Variants in SEPTIN11 observed in about 807,000 individuals in gnomAD.
SEPTIN11 encodes septin 11.
A neutral mutation model predicts 51.4 loss-of-function variants in SEPTIN11; 25 were observed. The ratio of observed to expected loss-of-function variants is 0.49; its 90% CI spans 0.35 to 0.68. SEPTIN11 has a LOEUF of 0.68. SEPTIN11 is among the 30% of genes least tolerant of loss of function. The pLI, the probability that SEPTIN11 is intolerant of heterozygous loss-of-function variation, is 0.00. For missense variants in SEPTIN11, 381 were observed against 520.8 expected (o/e 0.73, Z 2.61); for synonymous variants, 174 against 184.1 (o/e 0.95, Z 0.44).
At position 77,038,141 on chromosome 4, in the gene SEPTIN11, C is replaced by T. The variant is rs1727159742; in HGVS notation, c.*3629C>T. The T allele has an allele frequency of 1.0e-6, 1 of 985,838 alleles. No homozygotes were observed. The highest frequency in any genetic ancestry group is 1.2e-6 in the Non-Finnish European group (1 of 829,934). The allele number at this position is 985,838 out of a possible 1,614,324, so 61.1% of individuals were successfully genotyped here. On this transcript the variant is annotated 3_prime_UTR_variant, in exon 10 of 10. Transcript: ENST00000264893. ...GTCTCAGCTTCGAAAAGTCCTGGTTCCACTGACAGGACACATTCTTTAGTG... is the reference window on the plus strand; with the variant it reads ...GTCTCAGCTTCGAAAAGTCCTGGTTTCACTGACAGGACACATTCTTTAGTG...
chr4:77,012,011 T>A, intron 4 of SEPTIN11, 90 bp downstream of exon 4: 1 of 1,191,046 alleles, frequency 8.4e-7, no homozygotes, highest in Non-Finnish European at 1.2e-6. Context: ...TCAGTGTGAT[T>A]TTTTTTTTCC....
At position 76,984,784 on chromosome 4, in the gene SEPTIN11, G is replaced by A. The variant is rs767132478; in HGVS notation, c.28-11641G>A. 2.6e-5 allele frequency among the ~76,000 whole-genome samples: 4 copies of A among 152,182 alleles called. No individual in the cohort carries two copies. Among genetic ancestry groups the A allele is most frequent in the African/African-American group, 7.2e-5 (3 of 41,440 alleles). On this transcript the variant is annotated intron_variant, in intron 1 of 9. Transcript: ENST00000264893. This position sits in a 1 kb window ranked among gnomAD's most constrained non-coding sequence, Gnocchi z 4.1. The stretch of plus-strand genomic sequence containing the variant: ...GGTGGTTTTATGCTCTGCAAGAGAC[G>A]TGATATGTCTTAAATGGAACTGGGT...
At chr4:77,026,509 G>C (rs1726155117) in intron 7 of SEPTIN11, among the ~76,000 whole-genome samples, 1 of 152,156 alleles carries the variant, frequency 6.6e-6, no homozygotes, top group Admixed American at 6.5e-5. Flanking sequence ...AATGTGCCTA[G>C]TGCCCCTGCT....
intron 6 of SEPTIN11, among the ~76,000 whole-genome samples, chr4:77,019,538 A>G (rs1486965972): frequency 6.6e-6 from 1 of 152,118 alleles, no homozygotes; most frequent in Non-Finnish European, 1.5e-5. Flanking sequence ...TGATTGAAAA[A>G]TAGTTCTTCC....
rs1725631737 is a variant in SEPTIN11 at position 77,020,509 on chromosome 4, T to G, written c.792T>G (p.Asn264Lys). 1.2e-6 allele frequency: 2 copies of G among 1,613,906 alleles called. No individual in the cohort carries two copies. Among genetic ancestry groups the G allele is most frequent in the Admixed American group, 3.3e-5 (2 of 59,964 alleles). The change falls in exon 7 of 10, where the codon AAT (asparagine) becomes AAG (lysine). Residue 264 changes from asparagine (N) to lysine (K), a missense_variant. By Grantham distance (94) the Asn-to-Lys change is moderately conservative. Around this residue, in one of 2 missense-constraint regions of SEPTIN11, gnomAD observed 197 missense variants for 313.1 expected, o/e 0.63. Transcript: ENST00000264893. The stretch of plus-strand genomic sequence containing the variant: ...TTCCCCCCTCTCTTGTAGTTGAGAA[T>G]GAAAATCATTGCGATTTTGTGAAAC... ...QYPWGVVQVE[N>K]ENHCDFVKLR...
chr4:76,993,753 A>G (rs899084341), intron 1 of SEPTIN11, among the ~76,000 whole-genome samples: 5 of 152,254 alleles, frequency 3.3e-5, no homozygotes, highest in African/African-American at 1.2e-4. Context: ...TAAAATTTAC[A>G]TATTCTATAT....
chr4:77,014,828 T>G, intron 4 of SEPTIN11, 28 bp from the exon 5 acceptor site: 1 of 1,609,628 alleles, frequency 6.2e-7, no homozygotes, highest in Non-Finnish European at 8.5e-7. Context: ...GTTGGAATTG[T>G]GTAAAAATGG....
chr4:77,030,470 T>C (rs1480529177), intron 8 of SEPTIN11, among the ~76,000 whole-genome samples: 1 of 151,504 alleles, frequency 6.6e-6, no homozygotes, highest in Non-Finnish European at 1.5e-5. Context: ...CGATCTCAGC[T>C]CACTGCAACC....
At chr4:76,957,749 T>C (rs1438242000) in intron 1 of SEPTIN11, among the ~76,000 whole-genome samples, 1 of 152,088 alleles carries the variant, frequency 6.6e-6, no homozygotes, top group Admixed American at 6.5e-5. Context: ...TAGCACACCT[T>C]AGAGGCACGG....
chr4:76,950,974 C>T (rs1027714424), intron 1 of SEPTIN11, among the ~76,000 whole-genome samples: 3 of 152,218 alleles, frequency 2.0e-5, no homozygotes, highest in Non-Finnish European at 4.4e-5. Flanking sequence ...CGGGCGATGT[C>T]TTTCCCTGTC....
intron 1 of SEPTIN11, among the ~76,000 whole-genome samples, chr4:76,950,837 G>A (rs1365925353): frequency 6.6e-6 from 1 of 152,224 alleles, no homozygotes; most frequent in Non-Finnish European, 1.5e-5. Flanking sequence ...AAGGGGCGGC[G>A]GCGGCCTTTC....
At position 77,016,633 on chromosome 4, in the gene SEPTIN11, CATAT is replaced by C. The variant is rs1234653472; in HGVS notation, c.687+1636_687+1639del. Among the ~76,000 whole-genome samples the C allele has an allele frequency of 2.1e-3, 154 of 72,738 alleles. 3 individuals carry two copies. The highest frequency in any genetic ancestry group is 3.5e-3 in the Non-Finnish European group (128 of 37,018). 47.7% of individuals were successfully genotyped at this position (72,738 alleles called of 152,430 possible). ...ATATACACATATATATATATATACA[CATAT>C]ATATATATATATATATATACACATA... On this transcript the variant is annotated intron_variant, in intron 5 of 9. Coordinates refer to ENST00000264893, the MANE Select transcript of SEPTIN11 (RefSeq NM_018243.4).
At chr4:76,951,308 C>CGAT (rs1721332940) in intron 1 of SEPTIN11, among the ~76,000 whole-genome samples, 1 of 152,198 alleles carries the variant, frequency 6.6e-6, no homozygotes, top group Non-Finnish European at 1.5e-5. Context: ...ACACAGCGGT[C>CGAT]ATATCGAATC....
chr4:77,013,722 G>T (rs1442617772), intron 4 of SEPTIN11, among the ~76,000 whole-genome samples: 1 of 152,166 alleles, frequency 6.6e-6, no homozygotes, highest in Non-Finnish European at 1.5e-5. Context: ...TCTCATTCGG[G>T]TTTATCAGGA....
At chr4:77,028,251 T>A (rs1057331272) in intron 7 of SEPTIN11, among the ~76,000 whole-genome samples, 13 of 152,314 alleles carry the variant, frequency 8.5e-5, no homozygotes, top group South Asian at 8.3e-4. Flanking sequence ...CAAATTCCAA[T>A]CCGGATCTGT....
chr4:77,016,583 CAT>C (rs1360984179), intron 5 of SEPTIN11, among the ~76,000 whole-genome samples: 1 of 90,492 alleles, frequency 1.1e-5, no homozygotes, highest in Non-Finnish European at 2.3e-5. Flanking sequence ...ATATATATAG[CAT>C]ATATATACAC....
At position 76,996,493 on chromosome 4, in the gene SEPTIN11, C is replaced by G; in HGVS notation, c.96C>G (p.Val32=). Residue 32 remains valine (V), a synonymous_variant, in exon 2 of 10, where the codon GTC becomes GTG. Coordinates refer to ENST00000264893, the MANE Select transcript of SEPTIN11 (RefSeq NM_018243.4). ...TTGACAGCCTCCCTGACCAGCTGGT[C>G]AACAAGTCTACTTCTCAAGGATTCT... ...VGFDSLPDQL[V]NKSTSQGFCF... The G allele has an allele frequency of 6.2e-7, 1 of 1,614,072 alleles. No individual in the cohort carries two copies. The highest frequency in any genetic ancestry group is 8.5e-7 in the Non-Finnish European group (1 of 1,179,942).
At chr4:76,960,803 C>T (rs1324849691) in intron 1 of SEPTIN11, among the ~76,000 whole-genome samples, 1 of 152,184 alleles carries the variant, frequency 6.6e-6, no homozygotes, top group Non-Finnish European at 1.5e-5. Flanking sequence ...TCCTTCTACT[C>T]CCCCACCAAA....
rs145437587 is a variant in SEPTIN11 at position 76,991,805 on chromosome 4, G to A, written c.28-4620G>A. On this transcript the variant is annotated intron_variant, in intron 1 of 9. Coordinates refer to ENST00000264893, the MANE Select transcript of SEPTIN11 (RefSeq NM_018243.4). ...TACTACATTGTAAAACCTCTTAAGG[G>A]TCGGAACTGCAGTGTTCTTCAATGA... Among the ~76,000 whole-genome samples, 4 of 152,250 alleles carry A rather than the reference G, an allele frequency of 2.6e-5. No homozygotes were observed. The East Asian group carries it at 7.7e-4, about 29-fold the overall frequency.
Sources: gnomAD v4.1 joint callset for allele counts (sites outside exome capture counted in the v4.1 genomes callset) on GRCh38, gnomAD v4.1.1 for gene constraint, gnomAD v4.1.1 regional missense constraint, Gnocchi (gnomAD v3.1) non-coding constraint, MANE v1.5 for transcripts, NCBI Gene and HGNC (gene_info 2026-07-23, HGNC 2026-07-21) for gene names.